Variants in CLC observed in about 807,000 individuals in gnomAD.
CLC encodes galectin-10.
Under a neutral mutation model 13.9 loss-of-function variants are expected in CLC, and 15 were observed. The ratio of observed to expected loss-of-function variants is 1.08; its 90% confidence interval spans 0.72 to 1.66. CLC has a LOEUF of 1.66. Ranked by LOEUF, CLC falls within the 40% of genes most tolerant of loss-of-function variation. The pLI, the probability that CLC is intolerant of heterozygous loss-of-function variation, is 0.00. For missense variants in CLC, 161 were observed against 169.1 expected (o/e 0.95, Z 0.27); for synonymous variants, 68 against 59.9 (o/e 1.14, Z -0.63).
At chr19:39,737,834 A>G (rs1967337104) in intron 1 of CLC, 104 bp downstream of exon 1, 3 of 1,184,082 alleles carry the variant, frequency 2.5e-6, no homozygotes, top group Non-Finnish European at 2.5e-6. Flanking sequence ...AACTCTCAGT[A>G]AAGCATTCAC....
chr19:39,731,493 C>A lies in CLC; in HGVS notation c.316G>T (p.Gly106Cys). 6.2e-7 allele frequency: 1 copy of A among 1,608,144 alleles called. No homozygotes were observed. The highest frequency in any genetic ancestry group is 1.7e-4 in the Middle Eastern group (1 of 6,038). ...TGGTCAAAGGTGTAAGAGGATTGGC[C>A]ATTGACCATTACCTACAGAAGGAAA... is the stretch of plus-strand genomic sequence containing the variant. Reference protein sequence around the residue: ...LPDKYQVMVNGQSSYTFDHRI... With the variant: ...LPDKYQVMVNCQSSYTFDHRI... The change falls in exon 4 of 4, where the codon GGC becomes TGC. Residue 106 changes from glycine to cysteine, a missense_variant. Gly to Cys is a radical substitution (Grantham distance 159, BLOSUM62 -3). Transcript: ENST00000221804.
intron 3 of CLC, among the ~76,000 whole-genome samples, chr19:39,733,301 C>T (rs937310343): frequency 6.6e-6 from 1 of 152,138 alleles, no homozygotes; most frequent in Non-Finnish European, 1.5e-5. Context: ...AATGTTTTGG[C>T]CTACCCATTT....
Position 39,731,487 on chromosome 19 carries a change from A to T in CLC, c.322T>A (p.Ser108Thr). 6.2e-7 allele frequency: 1 copy of T among 1,610,990 alleles called. No homozygotes were observed. Among genetic ancestry groups the T allele is most frequent in the African/African-American group, 1.3e-5 (1 of 74,950 alleles). The change falls in exon 4 of 4, where the codon TCC (serine) becomes ACC (threonine). Residue 108 changes from serine (S) to threonine (T), a missense_variant. Transcript: ENST00000221804. ...DKYQVMVNGQ[S>T]SYTFDHRIKP... ...ATTCTATGGTCAAAGGTGTAAGAGGATTGGCCATTGACCATTACCTACAGA... is the reference window on the plus strand; with the variant it reads ...ATTCTATGGTCAAAGGTGTAAGAGGTTTGGCCATTGACCATTACCTACAGA...
chr19:39,734,198 G>A (rs1387981241), intron 3 of CLC, 85 bp downstream of exon 3: 42 of 1,450,464 alleles, frequency 2.9e-5, no homozygotes, highest in Non-Finnish European at 3.8e-5. Context: ...GACAGAGGGA[G>A]TTATCTGGAG....
Position 39,734,509 on chromosome 19 carries a change from A to T in CLC, c.93-16T>A, listed in dbSNP as rs751358158. 8.7e-6 allele frequency: 14 copies of T among 1,606,868 alleles called. No homozygotes were observed. Among genetic ancestry groups the T allele is most frequent in the Non-Finnish European group, 1.0e-5 (12 of 1,173,544 alleles). On this transcript the variant is annotated splice_polypyrimidine_tract_variant and intron_variant, in intron 2 of 3. Transcript: ENST00000221804. ...TGGTTCATTCCTGAGGGCAGAGCAC[A>T]CAGTGTTGAGCAGGTCCCTTTCTTG...
chr19:39,733,219 C>T (rs1238170267), intron 3 of CLC, among the ~76,000 whole-genome samples: 1 of 152,084 alleles, frequency 6.6e-6, no homozygotes, highest in Non-Finnish European at 1.5e-5. Flanking sequence ...ATCAAAACCA[C>T]TATGAGGATA....
intron 1 of CLC, among the ~76,000 whole-genome samples, chr19:39,735,791 T>C (rs759193137): frequency 1.3e-5 from 2 of 152,194 alleles, no homozygotes; most frequent in Admixed American, 1.3e-4. Flanking sequence ...GTCCTCTATC[T>C]GAACAAGGAG....
chr19:39,731,581 T>A, intron 3 of CLC, 76 bp from the exon 4 acceptor site: 5 of 1,481,150 alleles, frequency 3.4e-6, no homozygotes, highest in Non-Finnish European at 3.6e-6. Context: ...TATGGTGTCA[T>A]AGTACCTGAA....
chr19:39,733,286 A>G (rs1247545522), intron 3 of CLC, among the ~76,000 whole-genome samples: 2 of 152,212 alleles, frequency 1.3e-5, no homozygotes, highest in Admixed American at 6.5e-5. Context: ...TCTGAATAAA[A>G]TGTGAATGTT....
intron 2 of CLC, among the ~76,000 whole-genome samples, chr19:39,734,714 T>G (rs1050786577): frequency 6.6e-6 from 1 of 152,204 alleles, no homozygotes; most frequent in Non-Finnish European, 1.5e-5. Flanking sequence ...GTCACTGACT[T>G]GGTCATATGA....
At position 39,736,233 on chromosome 19, in the gene CLC, G is replaced by C. The variant is rs554814959; in HGVS notation, c.16-1160C>G. Among the ~76,000 whole-genome samples, 5 of 151,576 alleles carry C rather than the reference G, an allele frequency of 3.3e-5. No individual in the cohort carries two copies. The East Asian group carries it at 9.7e-4, about 29-fold the overall frequency. ...GAAAGAAACAACACTTGTTGAAAGA[G>C]AGAGGGAAACGAACAGGAAAGAACA... On this transcript the variant is annotated intron_variant, in intron 1 of 3. Transcript: ENST00000221804.
intron 3 of CLC, among the ~76,000 whole-genome samples, chr19:39,732,236 C>T: frequency 1.1e-5 from 1 of 89,496 alleles, no homozygotes; most frequent in Non-Finnish European, 2.2e-5. Context: ...CCCCCCTCCC[C>T]CCACCCCACA....
chr19:39,735,647 C>T (rs1159302440), intron 1 of CLC, among the ~76,000 whole-genome samples: 1 of 152,164 alleles, frequency 6.6e-6, no homozygotes, highest in East Asian at 1.9e-4. Context: ...TGCTTAAACT[C>T]TCCCTGCCTC....
At chr19:39,736,700 G>A (rs536883730) in intron 1 of CLC, among the ~76,000 whole-genome samples, 112 of 151,704 alleles carry the variant, frequency 7.4e-4, no homozygotes, top group African/African-American at 2.7e-3. Context: ...GCTTGAACCC[G>A]GGAGGTGGAG....
At chr19:39,732,698 A>G (rs928295523) in intron 3 of CLC, among the ~76,000 whole-genome samples, 3 of 147,654 alleles carry the variant, frequency 2.0e-5, no homozygotes, top group Non-Finnish European at 4.5e-5. Flanking sequence ...CAGTCCCACC[A>G]ACAGTGTAAA....
chr19:39,734,345 T>G lies in CLC; in HGVS notation c.241A>C (p.Met81Leu), dbSNP rs143109041. 725 of 1,613,988 alleles carry G rather than the reference T, an allele frequency of 4.5e-4. No individual in the cohort carries two copies. The highest frequency in any genetic ancestry group is 5.9e-4 in the Non-Finnish European group (694 of 1,179,982). The part of the protein sequence containing the change: ...AWKQQVESKN[M>L]PFQDGQEFEL... ...AATTCTTGGCCATCCTGAAAGGGCA[T>G]ATTCTTGGATTCCACCTGCTGCTTC... Residue 81 changes from methionine (M) to leucine (L), a missense_variant, in exon 3 of 4, where the codon ATG (methionine) becomes CTG (leucine). Transcript: ENST00000221804.
chr19:39,734,234 C>T, intron 3 of CLC, 49 bp downstream of exon 3: 2 of 1,582,120 alleles, frequency 1.3e-6, no homozygotes, highest in Non-Finnish European at 8.6e-7. Flanking sequence ...CTGCCTCCTG[C>T]TCTGAGATCC....
chr19:39,736,481 A>C (rs1404293144), intron 1 of CLC, among the ~76,000 whole-genome samples: 3 of 152,164 alleles, frequency 2.0e-5, no homozygotes, highest in African/African-American at 7.2e-5. Flanking sequence ...GGCACCATCA[A>C]AACTCACTGC....
At position 39,735,279 on chromosome 19, in the gene CLC, A is replaced by G. The variant is rs77970264; in HGVS notation, c.16-206T>C. On this transcript the variant is annotated intron_variant, in intron 1 of 3. Coordinates refer to ENST00000221804, the MANE Select transcript of CLC (RefSeq NM_001828.6). The stretch of plus-strand genomic sequence containing the variant: ...GAGCTTCAGAAACTGAGCTACCTCA[A>G]TTAGATCCTTTATTGTGCTGACTAC... Among the ~76,000 whole-genome samples, 36 of 152,328 alleles carry G rather than the reference A, an allele frequency of 2.4e-4. No homozygotes were observed. In the East Asian group the frequency reaches 6.2e-3, roughly 26 times the overall value.
Sources: gnomAD v4.1 joint callset for allele counts (sites outside exome capture counted in the v4.1 genomes callset) on GRCh38, gnomAD v4.1.1 for gene constraint, MANE v1.5 for transcripts, NCBI Gene and HGNC (gene_info 2026-07-23, HGNC 2026-07-21) for gene names.